SUSD4: variants seen among roughly 807,000 people sequenced by gnomAD.
SUSD4 encodes the protein sushi domain-containing protein 4.
Under a neutral mutation model 50.5 loss-of-function variants are expected in SUSD4, and 41 were observed. That is an observed-to-expected ratio of 0.81 (90% CI 0.63 to 1.05). The LOEUF is 1.05. Among genes scored for constraint, SUSD4 ranks in the 50% least tolerant of loss-of-function variants. The pLI, the probability that SUSD4 is intolerant of heterozygous loss-of-function variation, is 0.00. For synonymous variants in SUSD4, 257 were observed against 257.3 expected (o/e 1.00, Z 0.01); for missense variants, 580 against 634.7 (o/e 0.91, Z 0.93).
chr1:223,290,957 T>C lies in SUSD4; in HGVS notation c.361+1482A>G, dbSNP rs866649168. Among the ~76,000 whole-genome samples the C allele has an allele frequency of 3.0e-4, 46 of 152,130 alleles. 1 individual carries two copies. Among genetic ancestry groups the C allele is most frequent in the African/African-American group, 1.1e-3 (45 of 41,420 alleles). On this transcript the variant is annotated intron_variant, in intron 3 of 8. Transcript: ENST00000366878. ...TGGCAGGGAAGTCTATATACATATA[T>C]ATATATATATGAACCAAGTAACCTT...
At chr1:223,351,758 C>T (rs753476185) in intron 2 of SUSD4, among the ~76,000 whole-genome samples, 1 of 152,050 alleles carries the variant, frequency 6.6e-6, no homozygotes, top group South Asian at 2.1e-4. Flanking sequence ...TTCATGTGAA[C>T]GTGTGGCCAT....
At chr1:223,326,429 A>C (rs1406157684) in intron 2 of SUSD4, among the ~76,000 whole-genome samples, 1 of 152,148 alleles carries the variant, frequency 6.6e-6, no homozygotes, top group Non-Finnish European at 1.5e-5. Flanking sequence ...TCTAAACATC[A>C]GCCTAGGCAA....
intron 5 of SUSD4, among the ~76,000 whole-genome samples, chr1:223,236,571 T>C (rs1199980296): frequency 6.6e-6 from 1 of 151,824 alleles, no homozygotes; most frequent in Non-Finnish European, 1.5e-5. Flanking sequence ...TTTTTGTATG[T>C]GGATGCCCAA....
intron 2 of SUSD4, among the ~76,000 whole-genome samples, chr1:223,300,466 C>A (rs1438017637): frequency 6.6e-6 from 1 of 152,086 alleles, no homozygotes; most frequent in African/African-American, 2.4e-5. Context: ...CTGTGAGCAA[C>A]ATAAGAAGTC....
At chr1:223,326,155 A>G (rs1441766902) in intron 2 of SUSD4, among the ~76,000 whole-genome samples, 1 of 152,242 alleles carries the variant, frequency 6.6e-6, no homozygotes, top group East Asian at 1.9e-4. Context: ...AAATAGGCAC[A>G]TAGACCAATG....
intron 2 of SUSD4, among the ~76,000 whole-genome samples, chr1:223,327,920 G>A (rs952648413): frequency 6.6e-6 from 1 of 152,210 alleles, no homozygotes; most frequent in Admixed American, 6.5e-5. Flanking sequence ...CTTCCTGAAG[G>A]GTGATGTCTT....
At chr1:223,305,466 A>C (rs1403277912) in intron 2 of SUSD4, among the ~76,000 whole-genome samples, 1 of 152,246 alleles carries the variant, frequency 6.6e-6, no homozygotes, top group Non-Finnish European at 1.5e-5. Context: ...GAGACAATAC[A>C]AAAAATTCAT....
At chr1:223,269,125 G>A (rs958537972) in intron 3 of SUSD4, among the ~76,000 whole-genome samples, 3 of 152,156 alleles carry the variant, frequency 2.0e-5, no homozygotes, top group Admixed American at 6.5e-5. Context: ...TAAGGGTCCC[G>A]GCCCTGAGCC....
chr1:223,311,968 T>C (rs1359096718), intron 2 of SUSD4, among the ~76,000 whole-genome samples: 1 of 152,186 alleles, frequency 6.6e-6, no homozygotes, highest in East Asian at 1.9e-4. Context: ...ATTTCATCTC[T>C]TTGATGTTAT....
chr1:223,282,460 G>T (rs1417247586), intron 3 of SUSD4, among the ~76,000 whole-genome samples: 2 of 152,094 alleles, frequency 1.3e-5, no homozygotes, highest in Non-Finnish European at 2.9e-5. Context: ...CAAACAGAGA[G>T]CCATATCATG....
intron 2 of SUSD4, among the ~76,000 whole-genome samples, chr1:223,342,625 T>C (rs1194410520): frequency 6.6e-6 from 1 of 152,314 alleles, no homozygotes; most frequent in East Asian, 1.9e-4. Flanking sequence ...TAGTATATTA[T>C]GAGGGTGTTA....
chr1:223,233,651 T>A (rs1660032995), intron 5 of SUSD4, among the ~76,000 whole-genome samples: 1 of 152,280 alleles, frequency 6.6e-6, no homozygotes, highest in East Asian at 1.9e-4. Flanking sequence ...AAATAACCTG[T>A]GTGTTCCTAG....
chr1:223,327,177 G>C (rs966374236), intron 2 of SUSD4, among the ~76,000 whole-genome samples: 1 of 152,174 alleles, frequency 6.6e-6, no homozygotes, highest in African/African-American at 2.4e-5. Flanking sequence ...TAATGTCTTT[G>C]CAGCAACTTG....
At chr1:223,339,705 G>A (rs1009725341) in intron 2 of SUSD4, among the ~76,000 whole-genome samples, 9 of 152,308 alleles carry the variant, frequency 5.9e-5, no homozygotes, top group African/African-American at 1.9e-4. Context: ...GGGCAAGGCC[G>A]AGGAATCGTC....
intron 2 of SUSD4, among the ~76,000 whole-genome samples, chr1:223,346,696 A>T (rs537232520): frequency 3.9e-5 from 6 of 152,274 alleles, no homozygotes; most frequent in Admixed American, 3.9e-4. Context: ...AACGGTACCT[A>T]ATTCATAAAG....
chr1:223,345,480 G>C (rs1372007933), intron 2 of SUSD4, among the ~76,000 whole-genome samples: 5 of 152,082 alleles, frequency 3.3e-5, no homozygotes, highest in African/African-American at 1.2e-4. Context: ...GATGGAGCCA[G>C]GGTTCAGATC....
chr1:223,251,900 C>G (rs1461798979), intron 5 of SUSD4, among the ~76,000 whole-genome samples: 1 of 152,066 alleles, frequency 6.6e-6, no homozygotes, highest in Non-Finnish European at 1.5e-5. Flanking sequence ...TTCTCCACAT[C>G]CTCTCCAGCA....
At position 223,308,862 on chromosome 1, in the gene SUSD4, A is replaced by G. The variant is rs115355567; in HGVS notation, c.149-16211T>C. ...ACTACTGGAATGGCATCTTGACCTG[A>G]TGGCACTTGTACTTCAGACCACTAC... On this transcript the variant is annotated intron_variant, in intron 2 of 8. Transcript: ENST00000366878. Among the ~76,000 whole-genome samples the G allele has an allele frequency of 7.6e-3, 1,154 of 152,270 alleles. 7 individuals are homozygous for G. The highest frequency in any genetic ancestry group is 0.013 in the Non-Finnish European group (888 of 68,020).
intron 2 of SUSD4, among the ~76,000 whole-genome samples, chr1:223,350,884 A>C (rs913622142): frequency 6.6e-6 from 1 of 152,200 alleles, no homozygotes; most frequent in Admixed American, 6.5e-5. Context: ...TTTACTGAGA[A>C]TCTAGAACAC....
Sources: gnomAD v4.1 joint callset for allele counts (sites outside exome capture counted in the v4.1 genomes callset) on GRCh38, gnomAD v4.1.1 for gene constraint, MANE v1.5 for transcripts, NCBI Gene and HGNC (gene_info 2026-07-23, HGNC 2026-07-21) for gene names.